Variants in MAP1S observed in about 807,000 individuals in gnomAD.
MAP1S encodes the protein microtubule-associated protein 1S.
Under a neutral mutation model 60.9 loss-of-function variants are expected in MAP1S, and 27 were observed. The ratio of observed to expected loss-of-function variants is 0.44; its 90% CI spans 0.33 to 0.61. The LOEUF is 0.61. Ranked by LOEUF, MAP1S falls within the 20% of genes least tolerant of loss-of-function variation. MAP1S has a pLI of 0.03. For synonymous variants in MAP1S, 826 were observed against 694.2 expected, an observed-to-expected ratio of 1.19 and a Z score of -2.98; for missense variants, 1,608 against 1,486.6, an observed-to-expected ratio of 1.08 and a Z score of -1.34.
Position 17,725,267 on chromosome 19 carries a change from C to A in MAP1S, c.444+78C>A. On this transcript the variant is annotated intron_variant, in intron 4 of 6. Coordinates refer to ENST00000324096, the MANE Select transcript of MAP1S (RefSeq NM_018174.6). This position sits in a 1 kb window ranked among gnomAD's most constrained non-coding sequence, Gnocchi z 4.2. ...GGTGTATCAGGCTGTGTGGCACCAGCGACCTGCTGTTTTCCATGGCCTGGT... is the reference window on the plus strand; with the variant it reads ...GGTGTATCAGGCTGTGTGGCACCAGAGACCTGCTGTTTTCCATGGCCTGGT... 6.6e-7 allele frequency: 1 copy of A among 1,504,622 alleles called. No individual in the cohort carries two copies. The highest frequency in any genetic ancestry group is 8.9e-7 in the Non-Finnish European group (1 of 1,117,514). The allele number at this position is 1,504,622 out of a possible 1,614,324, so 93.2% of individuals were successfully genotyped here. A position where few individuals can be genotyped will look rare whatever the true frequency, so the allele number is the denominator to read the frequency against.
chr19:17,725,020 G>A lies in MAP1S; in HGVS notation c.304-29G>A, dbSNP rs763705824. On this transcript the variant is annotated intron_variant, in intron 3 of 6. Coordinates refer to ENST00000324096, the MANE Select transcript of MAP1S (RefSeq NM_018174.6). The surrounding 1 kb of genome is among the most constrained non-coding windows in gnomAD (Gnocchi z 4.2). Reference sequence around the variant, plus strand: ...GCTGGATACGTCACTGCACAGAACGGGTCCTTTAGTGTTCACCCCCTCCCT... The same window carrying A: ...GCTGGATACGTCACTGCACAGAACGAGTCCTTTAGTGTTCACCCCCTCCCT... 1 of 1,614,050 alleles carries A rather than the reference G, an allele frequency of 6.2e-7. No individual in the cohort carries two copies. The highest frequency in any genetic ancestry group is 1.1e-5 in the South Asian group (1 of 91,074).
Position 17,727,088 on chromosome 19 carries a change from G to T in MAP1S, c.1704G>T (p.Thr568=), listed in dbSNP as rs759694961. The change falls in exon 5 of 7, where the codon ACG becomes ACT. Residue 568 remains threonine, a synonymous_variant. Transcript: ENST00000324096. The surrounding 1 kb of genome is among the most constrained non-coding windows in gnomAD (Gnocchi z 4.1). ...AAPKPRKAPS[T]SHSGFPPVAN... ...CCAAGCCCCGCAAAGCGCCCAGCAC[G>T]TCCCACTCTGGCTTCCCGCCGGTGG... is the stretch of plus-strand genomic sequence containing the variant. 1 of 1,603,038 alleles carries T rather than the reference G, an allele frequency of 6.2e-7. No individual in the cohort carries two copies. Among genetic ancestry groups the T allele is most frequent in the Admixed American group, 1.7e-5 (1 of 59,326 alleles).
At position 17,733,438 on chromosome 19, in the gene MAP1S, AC is replaced by A; in HGVS notation, c.3024+14del. On this transcript the variant is annotated intron_variant, in intron 6 of 6. Transcript: ENST00000324096. ...GGACCGTGACCTGCAGGTGCGTGTC[AC>A]CCCAGGGCCTCTGGTGGTAAGTGTA... The A allele has an allele frequency of 1.9e-6, 3 of 1,576,928 alleles. No homozygotes were observed. The highest frequency in any genetic ancestry group is 2.6e-6 in the Non-Finnish European group (3 of 1,160,092).
At chr19:17,720,687 G>A in intron 1 of MAP1S, 1 of 641,578 alleles carries the variant, frequency 1.6e-6, no homozygotes, top group Non-Finnish European at 2.7e-6. Flanking sequence ...GGAGCAGCGA[G>A]GAGGTGGAGA....
intron 6 of MAP1S, 129 bp downstream of exon 6, chr19:17,733,557 A>G (rs2080512514): frequency 2.7e-6 from 2 of 729,730 alleles, no homozygotes; most frequent in Non-Finnish European, 2.2e-6. Context: ...TGGGAGTCTC[A>G]CATGGCTCAG....
intron 2 of MAP1S, among the ~76,000 whole-genome samples, chr19:17,723,321 C>G (rs1033554019): frequency 6.6e-6 from 1 of 151,950 alleles, no homozygotes; most frequent in Admixed American, 6.6e-5. Flanking sequence ...CCGAGGCAGG[C>G]GGATCACCTG....
rs2080437903 is a variant in MAP1S, at chr19:17,727,101, T to G, written c.1717T>G (p.Phe573Val). The G allele has an allele frequency of 6.3e-7, 1 of 1,597,290 alleles. No individual in the cohort carries two copies. Among genetic ancestry groups the G allele is most frequent in the Non-Finnish European group, 8.5e-7 (1 of 1,173,686 alleles). Residue 573 changes from phenylalanine (F) to valine (V), a missense_variant, in exon 5 of 7, where the codon TTC (phenylalanine) becomes GTC (valine). Transcript: ENST00000324096. The surrounding 1 kb of genome is among the most constrained non-coding windows in gnomAD (Gnocchi z 4.1). ...AGCGCCCAGCACGTCCCACTCTGGC[T>G]TCCCGCCGGTGGCAAATGGACCCCG... ...RKAPSTSHSG[F>V]PPVANGPRSP... is the part of the protein sequence containing the mutation.
chr19:17,726,056 C>G lies in MAP1S; in HGVS notation c.672C>G (p.Phe224Leu). The G allele has an allele frequency of 6.2e-7, 1 of 1,613,564 alleles. No homozygotes were observed. Among genetic ancestry groups the G allele is most frequent in the Middle Eastern group, 1.7e-4 (1 of 6,058 alleles). Residue 224 changes from phenylalanine to leucine, a missense_variant, in exon 5 of 7, where the codon TTC becomes TTG. Physicochemically the swap from Phe to Leu is conservative, Grantham distance 22. This residue lies in a region of MAP1S where 320 missense variants were observed against 393.1 expected (regional missense o/e 0.81). Coordinates refer to ENST00000324096, the MANE Select transcript of MAP1S (RefSeq NM_018174.6). ...VAESLEPPSP[F>L]ELLEPPTSGG... Reference sequence around the variant, plus strand: ...AGTCTCTGGAGCCACCGTCCCCCTTCGAGCTGCTGGAGCCCCCGACCTCCG... The same window carrying G: ...AGTCTCTGGAGCCACCGTCCCCCTTGGAGCTGCTGGAGCCCCCGACCTCCG...
chr19:17,727,833 G>C lies in MAP1S; in HGVS notation c.2449G>C (p.Gly817Arg). Residue 817 changes from glycine (G) to arginine (R), a missense_variant, in exon 5 of 7, where the codon GGA (glycine) becomes CGA (arginine). Transcript: ENST00000324096. The surrounding 1 kb of genome is among the most constrained non-coding windows in gnomAD (Gnocchi z 4.1). ...CTCAGACGAAGACACAGAGGGCTTT[G>C]GAGTCCCTCGCCACGACCCTTTGCC... ...ADSDEDTEGFGVPRHDPLPDP... is the reference protein window; with the variant it reads ...ADSDEDTEGFRVPRHDPLPDP... 1 of 1,613,526 alleles carries C rather than the reference G, an allele frequency of 6.2e-7. No individual in the cohort carries two copies. The highest frequency in any genetic ancestry group is 8.5e-7 in the Non-Finnish European group (1 of 1,179,908).
In MAP1S at chr19:17,733,347, G is replaced by A; in HGVS notation, c.2943G>A (p.Gln981=). ...CGCTCTGCTACGTCATCAGTGGCCA[G>A]GACCAGCGCAAGGAGGAAGGCATGC... ...VRALCYVISG[Q]DQRKEEGMRA... The change falls in exon 6 of 7, where the codon CAG becomes CAA. Residue 981 remains glutamine (Q), a synonymous_variant. Transcript: ENST00000324096. 2 of 1,610,452 alleles carry A rather than the reference G, an allele frequency of 1.2e-6. No homozygotes were observed. Among genetic ancestry groups the A allele is most frequent in the Non-Finnish European group, 1.7e-6 (2 of 1,179,062 alleles).
In MAP1S at chr19:17,725,976, C is replaced by G; in HGVS notation, c.592C>G (p.Pro198Ala). ...ALRLQLRLNP[P>A]AQLPNSEGLC... ...CCGGCTCCAGCTGCGGCTGAACCCC[C>G]CGGCGCAGCTGCCCAACTCTGAGGG... Residue 198 changes from proline to alanine, a missense_variant, in exon 5 of 7, where the codon CCG (proline) becomes GCG (alanine). Physicochemically the swap from Pro to Ala is conservative, Grantham distance 27. Transcript: ENST00000324096. This position sits in a 1 kb window ranked among gnomAD's most constrained non-coding sequence, Gnocchi z 4.2. 6.2e-7 allele frequency: 1 copy of G among 1,612,478 alleles called. No individual in the cohort carries two copies. The highest frequency in any genetic ancestry group is 1.1e-5 in the South Asian group (1 of 90,956).
chr19:17,734,441 C>A lies in MAP1S; in HGVS notation c.*13C>A. The stretch of plus-strand genomic sequence containing the variant: ...GGTGGAGTTCTAGCCCCATCGCCGA[C>A]ACGCCCCCCACTCAGCCCAGCCCGC... On this transcript the variant is annotated 3_prime_UTR_variant, in exon 7 of 7. Transcript: ENST00000324096. The A allele has an allele frequency of 6.3e-7, 1 of 1,597,254 alleles. No homozygotes were observed. Among genetic ancestry groups the A allele is most frequent in the South Asian group, 1.1e-5 (1 of 90,160 alleles).
rs773981769 is a variant in MAP1S, at chr19:17,727,457, G to C, written c.2073G>C (p.Ser691=). The C allele has an allele frequency of 1.9e-6, 3 of 1,605,604 alleles. No individual in the cohort carries two copies. Among genetic ancestry groups the C allele is most frequent in the South Asian group, 1.1e-5 (1 of 90,016 alleles). ...SLPAEVGSPH[S]TEVDESLSVS... is the part of the protein sequence containing the mutation. ...CCGCAGAGGTGGGCTCCCCGCACTC[G>C]ACCGAGGTGGACGAGTCCCTGTCGG... Residue 691 remains serine (S), a synonymous_variant, in exon 5 of 7, where the codon TCG becomes TCC. Coordinates refer to ENST00000324096, the MANE Select transcript of MAP1S (RefSeq NM_018174.6). This position sits in a 1 kb window ranked among gnomAD's most constrained non-coding sequence, Gnocchi z 4.1.
intron 6 of MAP1S, 72 bp downstream of exon 6, chr19:17,733,500 A>G (rs1025529628): frequency 1.0e-5 from 13 of 1,294,808 alleles, no homozygotes; most frequent in Middle Eastern, 4.3e-4. Context: ...CTCGACCCTC[A>G]GAGACTAAGC....
At chr19:17,730,041 C>T (rs2080479492) in intron 5 of MAP1S, among the ~76,000 whole-genome samples, 1 of 152,134 alleles carries the variant, frequency 6.6e-6, no homozygotes, top group Non-Finnish European at 1.5e-5. Context: ...CTCCTGAACT[C>T]AAGTGATCCT....
Position 17,719,498 on chromosome 19 carries a change from C to T in MAP1S, c.-5C>T, listed in dbSNP as rs977552955. ...GGGCGCCGAGAACGCCGGGGCGGCCCGAAGATGGCGGCGGTGGCTGGATCT... is the reference window on the plus strand; with the variant it reads ...GGGCGCCGAGAACGCCGGGGCGGCCTGAAGATGGCGGCGGTGGCTGGATCT... On this transcript the variant is annotated 5_prime_UTR_variant, in exon 1 of 7. Coordinates refer to ENST00000324096, the MANE Select transcript of MAP1S (RefSeq NM_018174.6). The T allele has an allele frequency of 4.8e-6, 6 of 1,243,436 alleles. No homozygotes were observed. Among genetic ancestry groups the T allele is most frequent in the East Asian group, 6.3e-5 (2 of 31,582 alleles). The allele number at this position is 1,243,436 out of a possible 1,614,324, so 77.0% of individuals were successfully genotyped here.
At position 17,726,804 on chromosome 19, in the gene MAP1S, G is replaced by C; in HGVS notation, c.1420G>C (p.Glu474Gln). Reference sequence around the variant, plus strand: ...GGGGCCGGGGCGAGCCGAGAGCAAAGAGAGCGTGGGCTCCCGGGACAGCTC... The same window carrying C: ...GGGGCCGGGGCGAGCCGAGAGCAAACAGAGCGTGGGCTCCCGGGACAGCTC... ...LEGPGRAESK[E>Q]SVGSRDSSKR... Residue 474 changes from glutamate to glutamine, a missense_variant, in exon 5 of 7, where the codon GAG (glutamate) becomes CAG (glutamine). Glu to Gln is a conservative substitution (Grantham distance 29). Coordinates refer to ENST00000324096, the MANE Select transcript of MAP1S (RefSeq NM_018174.6). 6.4e-7 allele frequency: 1 copy of C among 1,557,996 alleles called. No individual in the cohort carries two copies. The highest frequency in any genetic ancestry group is 8.7e-7 in the Non-Finnish European group (1 of 1,152,056).
rs779963479 is a variant in MAP1S at position 17,721,003 on chromosome 19, C to G, written c.186C>G (p.Ser62=). Residue 62 remains serine (S), a synonymous_variant, in exon 2 of 7, where the codon TCC becomes TCG. Coordinates refer to ENST00000324096, the MANE Select transcript of MAP1S (RefSeq NM_018174.6). ...NLDEQLKVFV[S]RHSATFSSIV... Reference sequence around the variant, plus strand: ...ATGAACAGCTCAAGGTCTTTGTGTCCCGACACTCTGCCACCTTCTCCAGCA... The same window carrying G: ...ATGAACAGCTCAAGGTCTTTGTGTCGCGACACTCTGCCACCTTCTCCAGCA... 3 of 1,614,052 alleles carry G rather than the reference C, an allele frequency of 1.9e-6. No homozygotes were observed. Among genetic ancestry groups the G allele is most frequent in the Non-Finnish European group, 1.7e-6 (2 of 1,179,998 alleles).
rs151214587 is a variant in MAP1S, at chr19:17,723,889, A to G, written c.221-237A>G. ...AGAAGAAAATGGTGGCATCACTCCC[A>G]GGGGTGACAGCTGCAAACCAGGCCC... is the stretch of plus-strand genomic sequence containing the variant. On this transcript the variant is annotated intron_variant, in intron 2 of 6. Transcript: ENST00000324096. Among the ~76,000 whole-genome samples, 77 of 152,294 alleles carry G rather than the reference A, an allele frequency of 5.1e-4. 1 individual carries two copies. Among genetic ancestry groups the G allele is most frequent in the African/African-American group, 1.8e-3 (75 of 41,560 alleles).
Sources: gnomAD v4.1 joint callset for allele counts (sites outside exome capture counted in the v4.1 genomes callset) on GRCh38, gnomAD v4.1.1 for gene constraint, gnomAD v4.1.1 regional missense constraint, Gnocchi (gnomAD v3.1) non-coding constraint, MANE v1.5 for transcripts, NCBI Gene and HGNC (gene_info 2026-07-23, HGNC 2026-07-21) for gene names.